RPS6KA2: variants seen among roughly 807,000 people sequenced by gnomAD.
RPS6KA2 encodes the protein ribosomal protein S6 kinase alpha-2.
In RPS6KA2, 42 loss-of-function variants were observed where a neutral mutation model predicts 91.8. The ratio of observed to expected loss-of-function variants is 0.46; its 90% CI spans 0.36 to 0.59. The LOEUF (loss-of-function observed/expected upper bound fraction) is 0.59, where lower values mean the gene tolerates loss of function less well. RPS6KA2 is among the 20% of genes least tolerant of loss of function. RPS6KA2 has a pLI of 0.00. For missense variants in RPS6KA2, 798 were observed against 978.5 expected (o/e 0.82, Z 2.46); for synonymous variants, 414 against 393.6 (o/e 1.05, Z -0.61).
At chr6:166,454,744 C>G (rs948300763) in intron 12 of RPS6KA2, among the ~76,000 whole-genome samples, 2 of 151,984 alleles carry the variant, frequency 1.3e-5, no homozygotes, top group African/African-American at 4.8e-5. Flanking sequence ...GTTGCATGGA[C>G]TGACAGAGAC....
At chr6:166,427,607 C>T (rs1778971277) in intron 16 of RPS6KA2, among the ~76,000 whole-genome samples, 1 of 152,124 alleles carries the variant, frequency 6.6e-6, no homozygotes. Context: ...AGCAAAGTCT[C>T]AGGATACAAA....
At chr6:166,721,831 GCCGGTGCCAGCTCAGAGGAGGA>G (rs1193667019) in intron 2 of RPS6KA2, among the ~76,000 whole-genome samples, 1 of 2,176 alleles carries the variant, frequency 4.6e-4, no homozygotes, top group Non-Finnish European at 7.5e-4. Flanking sequence ...CAGAGGAGGA[GCCGGTGCCAGCTCAGAGGAGGA>G]GCCGGTGCCA....
chr6:166,787,689 A>G (rs1778969153), intron 2 of RPS6KA2, among the ~76,000 whole-genome samples: 1 of 152,202 alleles, frequency 6.6e-6, no homozygotes, highest in Admixed American at 6.5e-5. Context: ...TGGAGTAAAG[A>G]CTTAGATGTA....
intron 1 of RPS6KA2, among the ~76,000 whole-genome samples, chr6:166,570,930 A>G (rs1002912401): frequency 3.9e-5 from 6 of 152,246 alleles, no homozygotes; most frequent in Non-Finnish European, 5.9e-5. Flanking sequence ...CCAAATTTTA[A>G]GAGGCCTTTT....
chr6:166,811,033 C>T (rs1301696987), intron 2 of RPS6KA2, among the ~76,000 whole-genome samples: 1 of 152,168 alleles, frequency 6.6e-6, no homozygotes, highest in African/African-American at 2.4e-5. Flanking sequence ...TATTTTCAGA[C>T]AGCACAGTTT....
At chr6:166,677,830 G>A (rs1788663111) in intron 2 of RPS6KA2, among the ~76,000 whole-genome samples, 1 of 152,176 alleles carries the variant, frequency 6.6e-6, no homozygotes, top group African/African-American at 2.4e-5. Flanking sequence ...GCCTGGTCTG[G>A]TAATTTTGGA....
intron 1 of RPS6KA2, among the ~76,000 whole-genome samples, chr6:166,581,465 C>G (rs1785006776): frequency 6.6e-6 from 1 of 152,168 alleles, no homozygotes; most frequent in Non-Finnish European, 1.5e-5. Flanking sequence ...CTACGCTCCA[C>G]TGTCCTGAGG....
intron 1 of RPS6KA2, among the ~76,000 whole-genome samples, chr6:166,595,669 C>T (rs373887228): frequency 4.6e-5 from 7 of 152,310 alleles, no homozygotes; most frequent in African/African-American, 1.7e-4. Context: ...GTCAAACAAA[C>T]ACATTTCATG....
At position 166,434,771 on chromosome 6, in the gene RPS6KA2, C is replaced by T. The variant is rs1779239556; in HGVS notation, c.1333-2281G>A. 6.6e-6 allele frequency among the ~76,000 whole-genome samples: 1 copy of T among 152,116 alleles called. No individual in the cohort carries two copies. Among genetic ancestry groups the T allele is most frequent in the Admixed American group, 6.5e-5 (1 of 15,268 alleles). ...AACAAGAAAGTGGGAGCTTTTTCTCCACCGCCACGGACCATCTTCAAGATA... is the reference window on the plus strand; with the variant it reads ...AACAAGAAAGTGGGAGCTTTTTCTCTACCGCCACGGACCATCTTCAAGATA... On this transcript the variant is annotated intron_variant, in intron 14 of 20. Coordinates refer to ENST00000265678, the MANE Select transcript of RPS6KA2 (RefSeq NM_021135.6). The surrounding 1 kb of genome is among the most constrained non-coding windows in gnomAD (Gnocchi z 4.4).
chr6:166,640,082 T>C (rs1019004999), intron 2 of RPS6KA2, among the ~76,000 whole-genome samples: 2 of 152,150 alleles, frequency 1.3e-5, no homozygotes, highest in Non-Finnish European at 2.9e-5. Flanking sequence ...ATGGTGAGGC[T>C]CTAGGAGGTT....
intron 2 of RPS6KA2, among the ~76,000 whole-genome samples, chr6:166,838,677 C>CA (rs1253621813): frequency 2.6e-5 from 4 of 152,170 alleles, no homozygotes; most frequent in African/African-American, 9.7e-5. Flanking sequence ...TCTTTTGTGT[C>CA]AGTCTTGTTT....
chr6:166,523,945 C>G (rs1782940679), intron 3 of RPS6KA2, among the ~76,000 whole-genome samples: 1 of 152,200 alleles, frequency 6.6e-6, no homozygotes, highest in South Asian at 2.1e-4. Flanking sequence ...ATTCCCAGTG[C>G]CTCTGCAGTG....
chr6:166,474,989 C>G (rs1780912496), intron 10 of RPS6KA2, among the ~76,000 whole-genome samples: 2 of 152,160 alleles, frequency 1.3e-5, no homozygotes, highest in African/African-American at 4.8e-5. Flanking sequence ...TGGCCAGGAG[C>G]CCCTTTCTCA....
intron 1 of RPS6KA2, among the ~76,000 whole-genome samples, chr6:166,571,916 G>A (rs1201557140): frequency 6.6e-6 from 1 of 152,042 alleles, no homozygotes; most frequent in East Asian, 1.9e-4. Context: ...CTGTGTAAAC[G>A]TGCCATGTTG....
chr6:166,819,557 T>C (rs529309135), intron 2 of RPS6KA2, among the ~76,000 whole-genome samples: 3 of 152,326 alleles, frequency 2.0e-5, no homozygotes, highest in African/African-American at 7.2e-5. Context: ...ACTCACACAG[T>C]TCAAATGTAT....
At chr6:166,574,254 C>T (rs1276351343) in intron 1 of RPS6KA2, among the ~76,000 whole-genome samples, 1 of 152,156 alleles carries the variant, frequency 6.6e-6, no homozygotes, top group Non-Finnish European at 1.5e-5. Context: ...ATGGGTGGCC[C>T]CGTCACCCGG....
intron 14 of RPS6KA2, among the ~76,000 whole-genome samples, chr6:166,439,397 C>A (rs528123412): frequency 6.6e-5 from 10 of 152,340 alleles, no homozygotes; most frequent in Middle Eastern, 6.8e-3. Flanking sequence ...CATGAGCCAC[C>A]GTGCCCGGCC....
At chr6:166,543,653 C>A (rs1295419329) in intron 1 of RPS6KA2, among the ~76,000 whole-genome samples, 1 of 152,204 alleles carries the variant, frequency 6.6e-6, no homozygotes, top group Non-Finnish European at 1.5e-5. Flanking sequence ...CAGTCCCTGG[C>A]CTTTTGTCTC....
At chr6:166,837,296 C>G (rs1339145779) in intron 2 of RPS6KA2, among the ~76,000 whole-genome samples, 1 of 152,102 alleles carries the variant, frequency 6.6e-6, no homozygotes, top group African/African-American at 2.4e-5. Context: ...AAGGCTCGGC[C>G]GCTCCCTGAC....
Sources: gnomAD v4.1 joint callset for allele counts (sites outside exome capture counted in the v4.1 genomes callset) on GRCh38, gnomAD v4.1.1 for gene constraint, Gnocchi (gnomAD v3.1) non-coding constraint, MANE v1.5 for transcripts, NCBI Gene and HGNC (gene_info 2026-07-23, HGNC 2026-07-21) for gene names.